Variants in MICAL2 observed in about 807,000 individuals in gnomAD.
The protein encoded by MICAL2 is microtubule associated monooxygenase, calponin and LIM domain containing 2.
Under a neutral mutation model 127.3 loss-of-function variants are expected in MICAL2, and 77 were observed. That is an observed-to-expected ratio of 0.60 (90% confidence interval 0.50 to 0.73). The LOEUF is 0.73. Ranked by LOEUF, MICAL2 falls within the 30% of genes least tolerant of loss-of-function variation. The pLI is 0.00. For missense variants in MICAL2, 1,351 were observed against 1,434.4 expected, an observed-to-expected ratio of 0.94 and a Z score of 0.94; for synonymous variants, 570 against 551.1, an observed-to-expected ratio of 1.03 and a Z score of -0.48.
chr11:12,183,121 G>C (rs951490496), intron 3 of MICAL2, among the ~76,000 whole-genome samples: 1 of 151,626 alleles, frequency 6.6e-6, no homozygotes, highest in Non-Finnish European at 1.5e-5. Context: ...AGTATGTGGG[G>C]TGGGGGAGAT....
intron 3 of MICAL2, among the ~76,000 whole-genome samples, chr11:12,179,192 C>T (rs1857163173): frequency 6.6e-6 from 1 of 152,208 alleles, no homozygotes; most frequent in African/African-American, 2.4e-5. Flanking sequence ...CCTCACCAAC[C>T]TGTTTCCCAC....
At position 12,255,542 on chromosome 11, in the gene MICAL2, G is replaced by A. The variant is rs973719636; in HGVS notation, c.2848-101G>A. ...GTCGTGGGGTGCTATTTGCATGTGG[G>A]TGAGGAGCCCTCTCCCCATCCATCC... On this transcript the variant is annotated intron_variant, in intron 22 of 27. Transcript: ENST00000683283. The A allele has an allele frequency of 5.9e-5, 59 of 1,002,582 alleles. No homozygotes were observed. In the Admixed American group the frequency reaches 6.6e-4, roughly 11 times the overall value. 62.1% of individuals were successfully genotyped at this position (1,002,582 alleles called of 1,614,324 possible).
intron 22 of MICAL2, chr11:12,254,415 C>G (rs1420577300): frequency 6.6e-6 from 1 of 152,370 alleles, no homozygotes; most frequent in Non-Finnish European, 1.5e-5. Flanking sequence ...CCTGGTCTTC[C>G]TGGTCCCTGA....
chr11:12,277,674 G>C (rs1334277004), intron 1 of MICAL2, among the ~76,000 whole-genome samples: 1 of 152,190 alleles, frequency 6.6e-6, no homozygotes, highest in African/African-American at 2.4e-5. Context: ...AGGAAGGAAG[G>C]CAGGAGCAAG....
exon 31 of MICAL2, chr11:12,324,063 A>G (rs778475816): frequency 1.2e-6 from 2 of 1,612,200 alleles, no homozygotes; most frequent in Non-Finnish European, 1.7e-6. Context: ...AGACTCTATA[A>G]GGCTCAGGTC....
At chr11:12,242,827 G>A (rs1370446588) in intron 20 of MICAL2, 55 bp downstream of exon 20, 2 of 1,360,132 alleles carry the variant, frequency 1.5e-6, no homozygotes, top group Non-Finnish European at 2.0e-6. Flanking sequence ...ATCCAGCCAG[G>A]TGACCTTGAA....
chr11:12,293,475 G>A, downstream of MICAL2: 1 of 1,458,592 alleles, frequency 6.9e-7, no homozygotes, highest in Non-Finnish European at 9.2e-7. Flanking sequence ...AAACAGGGAG[G>A]GGGTTGTAGA....
At chr11:12,209,395 AC>A (rs1855147555) in intron 5 of MICAL2, 101 bp from the exon 6 acceptor site, 9 of 907,304 alleles carry the variant, frequency 9.9e-6, no homozygotes, top group Non-Finnish European at 1.5e-5. Flanking sequence ...TGATACACAG[AC>A]CTGGCTGCAC....
At chr11:12,197,042 CCAAACAATCCAG>C (rs1211148430) in intron 3 of MICAL2, among the ~76,000 whole-genome samples, 1 of 152,224 alleles carries the variant, frequency 6.6e-6, no homozygotes, top group Non-Finnish European at 1.5e-5. Context: ...AGAGGTAATA[CCAAACAATCCAG>C]CATTCATTGT....
At chr11:12,294,538 T>A (rs3812753), downstream of MICAL2, 57,325 of 1,614,052 alleles carry the variant, frequency 0.036, 1,946 homozygotes, top group Admixed American at 0.13. Flanking sequence ...AGATTGAAGA[T>A]GTCCCCACAC....
intron 19 of MICAL2, 43 bp downstream of exon 19, chr11:12,242,475 G>A: frequency 6.4e-7 from 1 of 1,565,904 alleles, no homozygotes. Context: ...GTGTCTGGGT[G>A]ACTTCCTTTC....
chr11:12,160,648 C>T (rs887847568), intron 2 of MICAL2, among the ~76,000 whole-genome samples: 1 of 152,192 alleles, frequency 6.6e-6, no homozygotes, highest in Non-Finnish European at 1.5e-5. Context: ...AAAATTGAAG[C>T]TTTCTTGAGA....
chr11:12,171,235 A>C (rs1395923654), intron 3 of MICAL2, among the ~76,000 whole-genome samples: 4 of 152,146 alleles, frequency 2.6e-5, no homozygotes, highest in African/African-American at 4.8e-5. Context: ...TTGGAGAAAA[A>C]AAGAAAACCC....
chr11:12,136,324 C>T (rs191549107), intron 1 of MICAL2, among the ~76,000 whole-genome samples: 51 of 152,292 alleles, frequency 3.3e-4, no homozygotes, highest in African/African-American at 1.1e-3. Flanking sequence ...CTGCTGTGGT[C>T]TCTGCTAATC....
intron 11 of MICAL2, 42 bp downstream of exon 11, chr11:12,222,785 G>A: frequency 6.2e-7 from 1 of 1,609,370 alleles, no homozygotes; most frequent in Non-Finnish European, 8.5e-7. Context: ...ACTCTGCACT[G>A]AACAGTGGGA....
chr11:12,253,464 A>G (rs1861848684), intron 22 of MICAL2: 1 of 152,264 alleles, frequency 6.6e-6, no homozygotes, highest in South Asian at 2.1e-4. Flanking sequence ...AAGGCAGGCT[A>G]GGGCAGGCTG....
intron 32 of MICAL2, among the ~76,000 whole-genome samples, chr11:12,343,474 G>A (rs1003919611): frequency 2.7e-5 from 4 of 147,946 alleles, no homozygotes; most frequent in Non-Finnish European, 6.0e-5. Context: ...TAATTAAATT[G>A]AGTGATTCTG....
At chr11:12,319,553 C>T in intron 29 of MICAL2, 1 of 617,370 alleles carries the variant, frequency 1.6e-6, no homozygotes, top group Non-Finnish European at 2.9e-6. Flanking sequence ...GGTACTGTTG[C>T]CTCATGCTCA....
At chr11:12,319,557 A>G in intron 29 of MICAL2, 1 of 631,082 alleles carries the variant, frequency 1.6e-6, no homozygotes, top group Non-Finnish European at 2.8e-6. Context: ...CTGTTGCCTC[A>G]TGCTCACGGC....
Sources: allele counts gnomAD v4.1 joint callset (sites outside exome capture counted in the v4.1 genomes callset), GRCh38; gene constraint gnomAD v4.1.1; transcripts MANE v1.5; gene names NCBI Gene and HGNC (gene_info 2026-07-23, HGNC 2026-07-21).